RABGAP1L: variants seen among roughly 807,000 people sequenced by gnomAD.
The protein encoded by RABGAP1L is RAB GTPase activating protein 1 like.
RABGAP1L carries 63 observed loss-of-function variants against 137.7 expected under a neutral mutation model. The ratio of observed to expected loss-of-function variants is 0.46; its 90% confidence interval spans 0.37 to 0.56. The LOEUF (loss-of-function observed/expected upper bound fraction) is 0.56, where lower values mean the gene tolerates loss of function less well. Among genes scored for constraint, RABGAP1L ranks in the 20% least tolerant of loss-of-function variants. The probability of loss-of-function intolerance (pLI) is 0.00; values close to 1 mark genes in which losing one functional copy is unlikely to be tolerated. For synonymous variants in RABGAP1L, 431 were observed against 433.7 expected (o/e 0.99, Z 0.08); for missense variants, 1,095 against 1,244.0 (o/e 0.88, Z 1.80).
At chr1:174,195,649 C>CTTCCTTCCTTCCTTTCCT (rs1667546083) in intron 1 of RABGAP1L, among the ~76,000 whole-genome samples, 3 of 116,196 alleles carry the variant, frequency 2.6e-5, no homozygotes, top group Admixed American at 9.1e-5. Context: ...TCCTTCCTTC[C>CTTCCTTCCTTCCTTTCCT]TTCCTTTCCT....
chr1:174,421,178 A>AT (rs994615104), intron 13 of RABGAP1L, among the ~76,000 whole-genome samples: 8 of 151,462 alleles, frequency 5.3e-5, no homozygotes, highest in South Asian at 2.1e-4. Context: ...GACACTTCAT[A>AT]TTTTTTTTTA....
chr1:174,692,683 C>G (rs1678956193), intron 15 of RABGAP1L, among the ~76,000 whole-genome samples: 1 of 152,084 alleles, frequency 6.6e-6, no homozygotes, highest in Non-Finnish European at 1.5e-5. Context: ...ACCTATGCAT[C>G]TGTTTATTCT....
intron 17 of RABGAP1L, among the ~76,000 whole-genome samples, chr1:174,712,719 T>A (rs1363949909): frequency 6.6e-6 from 1 of 152,222 alleles, no homozygotes; most frequent in Non-Finnish European, 1.5e-5. Context: ...CGTTCTTAAA[T>A]GGATATATCC....
intron 5 of RABGAP1L, chr1:174,242,841 TAGAC>T (rs760613999): frequency 6.6e-6 from 1 of 152,196 alleles, no homozygotes; most frequent in Admixed American, 6.5e-5. Context: ...AATGGTCTGA[TAGAC>T]AGGAGAGTGA....
At chr1:174,807,769 C>T (rs1242038052) in intron 18 of RABGAP1L, among the ~76,000 whole-genome samples, 1 of 152,036 alleles carries the variant, frequency 6.6e-6, no homozygotes, top group African/African-American at 2.4e-5. Context: ...AATATAAGTT[C>T]TTCCAACTTA....
At chr1:174,434,791 A>G (rs1333543214) in intron 13 of RABGAP1L, among the ~76,000 whole-genome samples, 1 of 151,926 alleles carries the variant, frequency 6.6e-6, no homozygotes, top group Non-Finnish European at 1.5e-5. Flanking sequence ...TCTTTTGTGA[A>G]GTGTCTTCCA....
rs75549868 is a variant in RABGAP1L, at chr1:174,471,793, T to C, written c.1710+77648T>C. ...AGATAGGAGACTGTTATGGACTGAA[T>C]GCATGTGTGTCCCCCTCTCCTGGCG... is the stretch of plus-strand genomic sequence containing the variant. On this transcript the variant is annotated intron_variant, in intron 13 of 25. Transcript: ENST00000681986. Among the ~76,000 whole-genome samples the C allele has an allele frequency of 1.8e-3, 274 of 152,320 alleles. 8 individuals carry two copies. In the East Asian group the frequency reaches 0.049, roughly 27 times the overall value.
At chr1:174,283,139 A>G (rs1053144662) in intron 10 of RABGAP1L, among the ~76,000 whole-genome samples, 2 of 151,890 alleles carry the variant, frequency 1.3e-5, no homozygotes, top group African/African-American at 4.8e-5. Context: ...GCAGTGGCTC[A>G]CACTGGTAGT....
chr1:174,827,079 G>T (rs1691637927), intron 19 of RABGAP1L, among the ~76,000 whole-genome samples: 1 of 152,086 alleles, frequency 6.6e-6, no homozygotes, highest in Non-Finnish European at 1.5e-5. Context: ...CCATCTCATT[G>T]TATCCTCACA....
At chr1:174,959,991 A>C (rs1668941616) in intron 20 of RABGAP1L, among the ~76,000 whole-genome samples, 2 of 152,294 alleles carry the variant, frequency 1.3e-5, no homozygotes, top group Admixed American at 1.3e-4. Flanking sequence ...TAATTCATAG[A>C]TCTTGGACTG....
intron 13 of RABGAP1L, among the ~76,000 whole-genome samples, chr1:174,539,193 G>T (rs1665147410): frequency 6.6e-6 from 1 of 151,870 alleles, no homozygotes; most frequent in Admixed American, 6.6e-5. Context: ...TCATACATAG[G>T]CTTAGTTGGA....
At chr1:174,567,026 T>C (rs1310230195) in intron 13 of RABGAP1L, among the ~76,000 whole-genome samples, 1 of 152,204 alleles carries the variant, frequency 6.6e-6, no homozygotes, top group African/African-American at 2.4e-5. Context: ...ATACATATTG[T>C]ATACTGATAA....
intron 20 of RABGAP1L, chr1:174,964,828 T>A: frequency 7.1e-7 from 1 of 1,405,366 alleles, no homozygotes; most frequent in Non-Finnish European, 9.2e-7. Flanking sequence ...TATATGACAC[T>A]CAAAGGAAAA....
chr1:174,628,394 A>G (rs1162573649), intron 13 of RABGAP1L, among the ~76,000 whole-genome samples: 2 of 152,228 alleles, frequency 1.3e-5, no homozygotes, highest in African/African-American at 2.4e-5. Context: ...CGAAAATTTT[A>G]AACAGTTGAA....
At chr1:174,866,894 T>C (rs900662114) in intron 19 of RABGAP1L, among the ~76,000 whole-genome samples, 1 of 151,768 alleles carries the variant, frequency 6.6e-6, no homozygotes, top group Non-Finnish European at 1.5e-5. Context: ...CCCTGGACAA[T>C]AGTGAGACCC....
Position 174,381,402 on chromosome 1 carries a change from C to T in RABGAP1L, c.1559+10330C>T, listed in dbSNP as rs1471381405. 3.6e-3 allele frequency among the ~76,000 whole-genome samples: 494 copies of T among 136,108 alleles called. 1 individual carries two copies. Among genetic ancestry groups the T allele is most frequent in the Non-Finnish European group, 5.6e-3 (358 of 64,366 alleles). The allele number at this position is 136,108 out of a possible 152,430, so 89.3% of individuals were successfully genotyped here. A position where few individuals can be genotyped will look rare whatever the true frequency, so the allele number is the denominator to read the frequency against. ...TTGACAGTGGGGTGTTAAAGTCTCC[C>T]ATTATTAATGTGTGGGAGTCTAAGT... is the stretch of plus-strand genomic sequence containing the variant. On this transcript the variant is annotated intron_variant, in intron 12 of 25. Transcript: ENST00000681986.
intron 19 of RABGAP1L, among the ~76,000 whole-genome samples, chr1:174,869,252 A>G (rs1193086351): frequency 6.6e-6 from 1 of 152,088 alleles, no homozygotes; most frequent in Non-Finnish European, 1.5e-5. Context: ...CTGCCCAAAT[A>G]TCATCTCAAA....
intron 13 of RABGAP1L, among the ~76,000 whole-genome samples, chr1:174,463,455 C>T (rs147178528): frequency 0.053 from 7,776 of 146,464 alleles, 650 homozygotes; most frequent in African/African-American, 0.18. Context: ...AGGTGGGAAT[C>T]GAACAATGAG....
At chr1:174,612,446 G>T (rs1437894043) in intron 13 of RABGAP1L, among the ~76,000 whole-genome samples, 1 of 152,168 alleles carries the variant, frequency 6.6e-6, no homozygotes, top group African/African-American at 2.4e-5. Context: ...TGTGCTGCTG[G>T]ATTCGGTTTG....
Sources: allele counts gnomAD v4.1 joint callset (sites outside exome capture counted in the v4.1 genomes callset), GRCh38; gene constraint gnomAD v4.1.1; transcripts MANE v1.5; gene names NCBI Gene and HGNC (gene_info 2026-07-23, HGNC 2026-07-21).